Variants in H3-7 observed in about 807,000 individuals in gnomAD.
H3-7 encodes histone H3-7.
chr1:143,904,314 G>C, the H3-7 span: 1 of 1,582,786 alleles, frequency 6.3e-7, no homozygotes, highest in Admixed American at 1.7e-5. Context: ...GCGCACGGCC[G>C]TCTGGATCTC....
chr1:143,902,889 G>A, the H3-7 span, among the ~76,000 whole-genome samples: 1 of 144,962 alleles, frequency 6.9e-6, no homozygotes. Context: ...GAAGCACCTG[G>A]AAGCAGGTTT....
chr1:143,905,851 G>C, the H3-7 span: 1 of 1,581,572 alleles, frequency 6.3e-7, no homozygotes, highest in African/African-American at 1.3e-5. Context: ...GTAGCGGTGC[G>C]GCTTCTTCAC....
the H3-7 span, among the ~76,000 whole-genome samples, chr1:143,903,147 C>A: frequency 7.1e-6 from 1 of 141,532 alleles, no homozygotes; most frequent in Non-Finnish European, 1.6e-5. Context: ...AGCCGAGATC[C>A]CGCCAGTGCA....
At chr1:143,902,803 C>T in the H3-7 span, among the ~76,000 whole-genome samples, 1 of 145,240 alleles carries the variant, frequency 6.9e-6, no homozygotes, top group Non-Finnish European at 1.5e-5. Context: ...AAAACATCCA[C>T]ACTCCTGAGA....
At chr1:143,905,954 T>A in the H3-7 span, 1 of 1,579,886 alleles carries the variant, frequency 6.3e-7, no homozygotes, top group Non-Finnish European at 8.7e-7. Flanking sequence ...GCAGTCTGCT[T>A]AGTACGGGCC....
At chr1:143,905,704 G>T in the H3-7 span, 1 of 1,582,674 alleles carries the variant, frequency 6.3e-7, no homozygotes, top group East Asian at 2.3e-5. Flanking sequence ...CATCACGGCC[G>T]AGCTCTGGAA....
the H3-7 span, among the ~76,000 whole-genome samples, chr1:143,902,834 C>T: frequency 6.8e-5 from 10 of 146,570 alleles, 1 homozygote; most frequent in East Asian, 1.8e-3. Flanking sequence ...CCAACCACCT[C>T]GTCAGGTCCC....
At chr1:143,902,627 G>C in the H3-7 span, among the ~76,000 whole-genome samples, 3 of 144,344 alleles carry the variant, frequency 2.1e-5, no homozygotes, top group African/African-American at 7.6e-5. Context: ...TTCAAGTTTT[G>C]AACTGAGAGG....
chr1:143,905,976 T>G, the H3-7 span: 1 of 1,578,658 alleles, frequency 6.3e-7, no homozygotes. Flanking sequence ...TGCTGTCTCA[T>G]TGATACGAGA....
At chr1:143,902,446 A>G in the H3-7 span, among the ~76,000 whole-genome samples, 2 of 145,122 alleles carry the variant, frequency 1.4e-5, 1 homozygote, top group East Asian at 4.1e-4. Flanking sequence ...AAAATTAGTA[A>G]AATTCATTTT....
chr1:143,903,915 C>T, the H3-7 span, among the ~76,000 whole-genome samples: 2 of 145,496 alleles, frequency 1.4e-5, 1 homozygote, highest in Admixed American at 1.4e-4. Context: ...GAACCACCCC[C>T]CGCCTCCTTC....
the H3-7 span, chr1:143,904,611 C>A: frequency 6.3e-7 from 1 of 1,580,508 alleles, no homozygotes; most frequent in Non-Finnish European, 8.7e-7. Flanking sequence ...CATTTTTGCG[C>A]GAAAAAAGAG....
the H3-7 span, chr1:143,905,814 C>A: frequency 3.8e-6 from 6 of 1,582,334 alleles, 1 homozygote; most frequent in Non-Finnish European, 4.3e-6. Context: ...AGCGCCGGAT[C>A]TCCCGCAGAG....
chr1:143,903,127 G>C, the H3-7 span, among the ~76,000 whole-genome samples: 2 of 140,852 alleles, frequency 1.4e-5, 1 homozygote, highest in Non-Finnish European at 3.2e-5. Flanking sequence ...GGGAGGCGGA[G>C]CTTGCAGTGA....
the H3-7 span, chr1:143,905,732 ACTC>A: frequency 7.7e-4 from 1,212 of 1,581,230 alleles, 108 homozygotes; most frequent in African/African-American, 0.015. Context: ...TCCGTCTTAA[ACTC>A]CTGCGCGATC....
the H3-7 span, chr1:143,904,359 G>T: frequency 1.3e-6 from 2 of 1,582,746 alleles, no homozygotes; most frequent in Admixed American, 1.7e-5. Context: ...GTTGTAGTGC[G>T]CCAGGCGGGA....
chr1:143,905,908 T>C, the H3-7 span: 4 of 1,580,206 alleles, frequency 2.5e-6, no homozygotes, highest in Non-Finnish European at 3.5e-6. Context: ...GGTAGCCAGC[T>C]GCTTCCTCGG....
the H3-7 span, chr1:143,905,828 C>T: frequency 1.1e-5 from 17 of 1,582,162 alleles, 2 homozygotes; most frequent in Non-Finnish European, 1.2e-5. Context: ...CGCAGAGCCA[C>T]GGTGCCGGGC....
At chr1:143,904,417 T>A in the H3-7 span, 10 of 1,582,786 alleles carry the variant, frequency 6.3e-6, 2 homozygotes, top group Non-Finnish European at 7.8e-6. Context: ...AAGGAGTTCA[T>A]GATGCCCATG....
Sources: allele counts gnomAD v4.1 joint callset (sites outside exome capture counted in the v4.1 genomes callset), GRCh38; gene constraint gnomAD v4.1.1; transcripts MANE v1.5; gene names NCBI Gene and HGNC (gene_info 2026-07-23, HGNC 2026-07-21).